The following MMP20 variants were observed in gnomAD, a reference collection of about 807,000 sequenced individuals.
MMP20 encodes the protein matrix metallopeptidase 20, also known as matrix metalloproteinase-20.
Under a neutral mutation model 51.8 loss-of-function variants are expected in MMP20, and 50 were observed. The ratio of observed to expected loss-of-function variants is 0.97; its 90% confidence interval spans 0.77 to 1.22. MMP20 has a LOEUF of 1.22. Ranked by LOEUF, MMP20 falls within the 50% of genes most tolerant of loss-of-function variation. The probability of loss-of-function intolerance (pLI) is 0.00; values close to 1 mark genes in which losing one functional copy is unlikely to be tolerated. For synonymous variants in MMP20, 244 were observed against 216.2 expected (o/e 1.13, Z -1.13); for missense variants, 663 against 601.4 (o/e 1.10, Z -1.07).
intron 8 of MMP20, among the ~76,000 whole-genome samples, chr11:102,581,716 A>G (rs1181577899): frequency 2.0e-5 from 3 of 152,204 alleles, no homozygotes; most frequent in African/African-American, 7.2e-5. Flanking sequence ...CCTCAGAGAC[A>G]CAATGTTCAA....
intron 2 of MMP20, among the ~76,000 whole-genome samples, chr11:102,612,643 T>C: frequency 6.6e-6 from 1 of 151,970 alleles, no homozygotes; most frequent in East Asian, 1.9e-4. Context: ...CTAATTCTTA[T>C]TCAAAGCTCC....
chr11:102,612,734 C>CT (rs1859618299), intron 2 of MMP20, among the ~76,000 whole-genome samples: 2 of 110,506 alleles, frequency 1.8e-5, no homozygotes, highest in Non-Finnish European at 2.1e-5. Flanking sequence ...TTTTTCTTTT[C>CT]TTTCTTTTTT....
intron 1 of MMP20, among the ~76,000 whole-genome samples, chr11:102,618,054 T>A (rs1262132315): frequency 6.6e-6 from 1 of 152,224 alleles, no homozygotes; most frequent in Admixed American, 6.5e-5. Context: ...GCCTCCTGTA[T>A]GCTTTAAATC....
At chr11:102,621,016 C>A (rs1050031720) in intron 1 of MMP20, among the ~76,000 whole-genome samples, 1 of 152,216 alleles carries the variant, frequency 6.6e-6, no homozygotes, top group Non-Finnish European at 1.5e-5. Context: ...CACACATCTG[C>A]GTGGCTGGCC....
rs1015058164 is a variant in MMP20 at position 102,604,624 on chromosome 11, C to T, written c.953+1911G>A. On this transcript the variant is annotated intron_variant, in intron 6 of 9. Coordinates refer to ENST00000260228, the MANE Select transcript of MMP20 (RefSeq NM_004771.4). ...CTGTGAAAGCCTGGGTTCCTGGGCTCAGCTCTAATTTGCCTTTGAAAAGTG... is the reference window on the plus strand; with the variant it reads ...CTGTGAAAGCCTGGGTTCCTGGGCTTAGCTCTAATTTGCCTTTGAAAAGTG... 2.6e-5 allele frequency among the ~76,000 whole-genome samples: 4 copies of T among 152,274 alleles called. No homozygotes were observed. In the South Asian group the frequency reaches 6.2e-4, roughly 24 times the overall value.
chr11:102,586,000 G>A (rs1217239706), intron 8 of MMP20, among the ~76,000 whole-genome samples: 1 of 152,102 alleles, frequency 6.6e-6, no homozygotes, highest in Admixed American at 6.5e-5. Context: ...GATTTAGGTT[G>A]TTGGTGTTTT....
rs757702460 is a variant in MMP20 at position 102,578,995 on chromosome 11, T to C, written c.1351+44A>G. On this transcript the variant is annotated intron_variant, in intron 9 of 9. Coordinates refer to ENST00000260228, the MANE Select transcript of MMP20 (RefSeq NM_004771.4). Reference sequence around the variant, plus strand: ...TGTGTTAAAGCAAAGCCAAGATTTCTTATGATAGTTTTCATGAAGAAAGTT... The same window carrying C: ...TGTGTTAAAGCAAAGCCAAGATTTCCTATGATAGTTTTCATGAAGAAAGTT... The C allele has an allele frequency of 4.3e-6, 6 of 1,397,156 alleles. No homozygotes were observed. In the African/African-American group the frequency reaches 7.1e-5, roughly 16 times the overall value. 86.5% of individuals were successfully genotyped at this position (1,397,156 alleles called of 1,614,324 possible).
chr11:102,593,996 A>T (rs1474610077), intron 7 of MMP20, among the ~76,000 whole-genome samples: 1 of 152,242 alleles, frequency 6.6e-6, no homozygotes, highest in East Asian at 1.9e-4. Context: ...TCAAGAACAT[A>T]TAAGCTAAAA....
chr11:102,582,039 A>G (rs917376587), intron 8 of MMP20, among the ~76,000 whole-genome samples: 1 of 152,204 alleles, frequency 6.6e-6, no homozygotes, highest in African/African-American at 2.4e-5. Flanking sequence ...ATCATTTAAT[A>G]TTGATTCAAG....
At chr11:102,611,186 A>C (rs1859594335) in intron 3 of MMP20, among the ~76,000 whole-genome samples, 1 of 152,184 alleles carries the variant, frequency 6.6e-6, no homozygotes, top group African/African-American at 2.4e-5. Flanking sequence ...GGACACTAGA[A>C]ATGTTATCTG....
intron 5 of MMP20, among the ~76,000 whole-genome samples, chr11:102,608,624 A>C (rs2135941477): frequency 6.6e-6 from 1 of 152,318 alleles, no homozygotes; most frequent in East Asian, 1.9e-4. Flanking sequence ...ACATATATGA[A>C]CTATAAACTA....
chr11:102,582,145 T>G (rs1252307776), intron 8 of MMP20, among the ~76,000 whole-genome samples: 1 of 152,216 alleles, frequency 6.6e-6, no homozygotes, highest in Admixed American at 6.5e-5. Flanking sequence ...ACATTTGTAT[T>G]CTAAGGACTC....
chr11:102,578,520 A>G (rs1219407744), intron 9 of MMP20, among the ~76,000 whole-genome samples: 1 of 152,166 alleles, frequency 6.6e-6, no homozygotes, highest in Non-Finnish European at 1.5e-5. Flanking sequence ...GATTGAAGCT[A>G]TACTTTAAAA....
intron 1 of MMP20, among the ~76,000 whole-genome samples, chr11:102,624,664 A>C (rs1369040092): frequency 4.6e-5 from 7 of 152,114 alleles, no homozygotes. Flanking sequence ...TTTAGGGAGA[A>C]AAGGCCTTCA....
intron 3 of MMP20, among the ~76,000 whole-genome samples, 154 bp from the exon 4 acceptor site, chr11:102,610,184 T>C (rs1310676237): frequency 6.6e-6 from 1 of 152,164 alleles, no homozygotes; most frequent in East Asian, 1.9e-4. Flanking sequence ...CATTTGTCAA[T>C]GAGTAACAGC....
intron 9 of MMP20, among the ~76,000 whole-genome samples, chr11:102,578,397 A>G (rs1165461295): frequency 6.6e-6 from 1 of 152,220 alleles, no homozygotes; most frequent in East Asian, 1.9e-4. Context: ...TCATCCTCCC[A>G]AAGTGCTGGA....
At chr11:102,606,447 C>G in intron 6 of MMP20, 88 bp downstream of exon 6, 1 of 1,539,294 alleles carries the variant, frequency 6.5e-7, no homozygotes, top group Non-Finnish European at 8.9e-7. Context: ...GATCTTCATA[C>G]AAGGCAGCAA....
At chr11:102,614,705 C>T (rs914650838) in intron 2 of MMP20, among the ~76,000 whole-genome samples, 4 of 151,962 alleles carry the variant, frequency 2.6e-5, no homozygotes, top group African/African-American at 9.7e-5. Context: ...AACAAGTGGC[C>T]TAGGGGATTC....
chr11:102,625,075 T>A, intron 1 of MMP20, 119 bp downstream of exon 1: 1 of 1,348,496 alleles, frequency 7.4e-7, no homozygotes, highest in Non-Finnish European at 1.0e-6. Context: ...TAGACTTCAA[T>A]GGACTTATAT....
Sources: allele counts gnomAD v4.1 joint callset (sites outside exome capture counted in the v4.1 genomes callset), GRCh38; gene constraint gnomAD v4.1.1; transcripts MANE v1.5; gene names NCBI Gene and HGNC (gene_info 2026-07-23, HGNC 2026-07-21).